The following SVEP1 variants were observed in gnomAD, a reference collection of about 807,000 sequenced individuals.
SVEP1 encodes the protein sushi, von Willebrand factor type A, EGF and pentraxin domain-containing protein 1.
SVEP1 carries 164 observed loss-of-function variants against 367.3 expected under a neutral mutation model. That is an observed-to-expected ratio of 0.45 (90% CI 0.39 to 0.51). The LOEUF is 0.51. Ranked by LOEUF, SVEP1 falls within the 20% of genes least tolerant of loss-of-function variation. SVEP1 has a pLI of 0.00. For missense variants in SVEP1, 4,117 were observed against 4,425.3 expected (o/e 0.93, Z 1.98); for synonymous variants, 1,666 against 1,611.6 (o/e 1.03, Z -0.81).
At chr9:110,569,222 C>T (rs1158177855) in intron 1 of SVEP1, among the ~76,000 whole-genome samples, 2 of 152,004 alleles carry the variant, frequency 1.3e-5, no homozygotes, top group Non-Finnish European at 2.9e-5. Flanking sequence ...TTTGGGAGGC[C>T]GAGGTGGGCA....
At chr9:110,390,841 G>C (rs1023857443) in intron 40 of SVEP1, among the ~76,000 whole-genome samples, 6 of 151,950 alleles carry the variant, frequency 3.9e-5, no homozygotes, top group Admixed American at 1.3e-4. Flanking sequence ...AAACATATGA[G>C]AAATACCAAC....
intron 9 of SVEP1, among the ~76,000 whole-genome samples, chr9:110,484,961 T>C (rs1829254154): frequency 6.6e-6 from 1 of 152,122 alleles, no homozygotes; most frequent in Non-Finnish European, 1.5e-5. Flanking sequence ...TGTGAAGAAA[T>C]AGGAATGCTT....
intron 40 of SVEP1, among the ~76,000 whole-genome samples, chr9:110,393,108 T>G (rs1373456556): frequency 1.3e-5 from 2 of 152,250 alleles, no homozygotes; most frequent in African/African-American, 2.4e-5. Flanking sequence ...CCACAAATTT[T>G]TAAATTATCT....
At chr9:110,561,676 T>C (rs1241199791) in intron 1 of SVEP1, among the ~76,000 whole-genome samples, 1 of 152,186 alleles carries the variant, frequency 6.6e-6, no homozygotes, top group Admixed American at 6.6e-5. Flanking sequence ...GATTTACCAA[T>C]TGTATTATTT....
At chr9:110,379,647 G>T in intron 43 of SVEP1, 130 bp from the exon 44 acceptor site, 1 of 909,058 alleles carries the variant, frequency 1.1e-6, no homozygotes, top group Non-Finnish European at 1.6e-6. Flanking sequence ...TACTTATCTA[G>T]AATAGTAAGA....
chr9:110,541,687 T>C (rs1420174421), intron 3 of SVEP1, among the ~76,000 whole-genome samples: 4 of 151,632 alleles, frequency 2.6e-5, no homozygotes, highest in Admixed American at 2.0e-4. Flanking sequence ...AAGTATATTC[T>C]CTATTAACCC....
rs369251985 is a variant in SVEP1 at position 110,476,265 on chromosome 9, C to G, written c.2538G>C (p.Glu846Asp). Residue 846 changes from glutamate to aspartate, a missense_variant, in exon 14 of 48, where the codon GAG becomes GAC. Physicochemically the swap from Glu to Asp is conservative, Grantham distance 45. This residue lies in a region of SVEP1 where 2,174 missense variants were observed against 2,494.3 expected (regional missense o/e 0.87). Coordinates refer to ENST00000374469, the MANE Select transcript of SVEP1 (RefSeq NM_153366.4). ...DAEDIDCRLE[E>D]NLTKKYCLEY... ...CTAGGCAATATTTTTTGGTCAGGTT[C>G]TCCTCCAGTCTGCAGTCAATGTCCT... The G allele has an allele frequency of 4.3e-6, 7 of 1,613,476 alleles. No individual in the cohort carries two copies. Among genetic ancestry groups the G allele is most frequent in the South Asian group, 1.1e-5 (1 of 91,036 alleles).
Position 110,408,824 on chromosome 9 carries a change from C to G in SVEP1, c.6776G>C (p.Cys2259Ser). The G allele has an allele frequency of 6.2e-7, 1 of 1,613,318 alleles. No individual in the cohort carries two copies. The highest frequency in any genetic ancestry group is 8.5e-7 in the Non-Finnish European group (1 of 1,179,870). The change falls in exon 38 of 48, where the codon TGT becomes TCT. Residue 2259 changes from cysteine (C) to serine (S), a missense_variant. This residue lies in a region of SVEP1 where 1,765 missense variants were observed against 1,781.1 expected (regional missense o/e 0.99). Transcript: ENST00000374469. ...AGGTTTTCCACAGTCGAGAGGAACA[C>G]ACATCAGAGGGGATTCACTGTGCCA... ...RHWHSESPLMCVPLDCGKPPP... is the reference protein window; with the variant it reads ...RHWHSESPLMSVPLDCGKPPP...
In SVEP1 at chr9:110,492,484, T is replaced by C. The variant is rs1051446365; in HGVS notation, c.1801-2705A>G. On this transcript the variant is annotated intron_variant, in intron 8 of 47. Coordinates refer to ENST00000374469, the MANE Select transcript of SVEP1 (RefSeq NM_153366.4). ...AGATAATTGGGTAATGAAAGGCTTA[T>C]GCATGTTTTTAAAACTTTATTAAAA... Among the ~76,000 whole-genome samples the C allele has an allele frequency of 1.4e-4, 21 of 152,238 alleles. 1 individual carries two copies. Among genetic ancestry groups the C allele is most frequent in the Admixed American group, 3.3e-4 (5 of 15,288 alleles).
chr9:110,522,241 C>A (rs1829884523), intron 3 of SVEP1, among the ~76,000 whole-genome samples: 1 of 151,980 alleles, frequency 6.6e-6, no homozygotes, highest in Admixed American at 6.6e-5. Flanking sequence ...TTGTGTAGGC[C>A]CAACAGAAGT....
At chr9:110,386,981 C>T (rs1043297693) in intron 42 of SVEP1, among the ~76,000 whole-genome samples, 1 of 80,008 alleles carries the variant, frequency 1.2e-5, no homozygotes, top group African/African-American at 3.7e-5. Context: ...ATTCATGATA[C>T]ATCTTTCATT....
chr9:110,429,226 C>T lies in SVEP1; in HGVS notation c.5724G>A (p.Pro1908=), dbSNP rs374121205. 132 of 1,594,902 alleles carry T rather than the reference C, an allele frequency of 8.3e-5. No homozygotes were observed. The highest frequency in any genetic ancestry group is 4.9e-4 in the Admixed American group (28 of 57,300). Residue 1908 remains proline, a synonymous_variant, in exon 35 of 48, where the codon CCG becomes CCA. Transcript: ENST00000374469. The stretch of plus-strand genomic sequence containing the variant: ...TATATTTTCCATTATTTATATTTTC[C>T]GGACTAGAACACTTCACTGGTTCAC... ...PVCEPVKCSS[P]ENINNGKYIL...
At chr9:110,396,874 C>T (rs1294088833) in intron 40 of SVEP1, among the ~76,000 whole-genome samples, 2 of 152,072 alleles carry the variant, frequency 1.3e-5, no homozygotes, top group African/African-American at 4.8e-5. Flanking sequence ...CAAGAAAAGT[C>T]CAGGACCAGA....
At chr9:110,472,840 A>G (rs1214724351) in intron 14 of SVEP1, among the ~76,000 whole-genome samples, 1 of 152,206 alleles carries the variant, frequency 6.6e-6, no homozygotes, top group Non-Finnish European at 1.5e-5. Flanking sequence ...AAATGATTCT[A>G]TCATACAACC....
chr9:110,532,749 G>A (rs1183470534), intron 3 of SVEP1, among the ~76,000 whole-genome samples: 1 of 151,990 alleles, frequency 6.6e-6, no homozygotes, highest in Non-Finnish European at 1.5e-5. Context: ...GCTGTCTGGG[G>A]CACTGTGGGA....
chr9:110,506,911 G>A (rs921206314), intron 5 of SVEP1, among the ~76,000 whole-genome samples: 8 of 152,106 alleles, frequency 5.3e-5, no homozygotes, highest in African/African-American at 1.9e-4. Flanking sequence ...AGCAGGAAAG[G>A]AGTAGGGGTA....
chr9:110,517,716 C>A (rs918011871), intron 3 of SVEP1, among the ~76,000 whole-genome samples: 2 of 138,528 alleles, frequency 1.4e-5, no homozygotes, highest in Admixed American at 8.0e-5. Context: ...GCAATCCAGC[C>A]TGGGGCCTGG....
chr9:110,495,058 C>T (rs886263372), intron 8 of SVEP1, among the ~76,000 whole-genome samples: 10 of 152,208 alleles, frequency 6.6e-5, no homozygotes, highest in African/African-American at 2.2e-4. Flanking sequence ...AACTCTCTTA[C>T]TTATTCCCTT....
At chr9:110,565,870 G>A (rs879795033) in intron 1 of SVEP1, among the ~76,000 whole-genome samples, 11 of 152,056 alleles carry the variant, frequency 7.2e-5, no homozygotes, top group South Asian at 4.2e-4. Context: ...ACATGACATA[G>A]AGGTAGTTCT....
Sources: allele counts gnomAD v4.1 joint callset (sites outside exome capture counted in the v4.1 genomes callset), GRCh38; gene constraint gnomAD v4.1.1; regional missense constraint gnomAD v4.1.1; transcripts MANE v1.5; gene names NCBI Gene and HGNC (gene_info 2026-07-23, HGNC 2026-07-21).